The following AGBL4 variants were observed in gnomAD, a reference collection of about 807,000 sequenced individuals.
The protein encoded by AGBL4 is AGBL carboxypeptidase 4, also known as cytosolic carboxypeptidase 6.
AGBL4 carries 58 observed loss-of-function variants against 66.4 expected under a neutral mutation model. The ratio of observed to expected loss-of-function variants is 0.87; its 90% CI spans 0.71 to 1.09. The LOEUF (loss-of-function observed/expected upper bound fraction) is 1.09, where lower values mean the gene tolerates loss of function less well. Among genes scored for constraint, AGBL4 ranks in the 50% least tolerant of loss-of-function variants. The pLI, the probability that AGBL4 is intolerant of heterozygous loss-of-function variation, is 0.00. For missense variants in AGBL4, 579 were observed against 631.0 expected (o/e 0.92, Z 0.88); for synonymous variants, 234 against 222.9 (o/e 1.05, Z -0.44).
chr1:49,924,501 A>C (rs1298546645), intron 1 of AGBL4, among the ~76,000 whole-genome samples: 2 of 148,926 alleles, frequency 1.3e-5, no homozygotes, highest in African/African-American at 5.1e-5. Flanking sequence ...ATTTGGATTT[A>C]TTTATTTATT....
intron 3 of AGBL4, among the ~76,000 whole-genome samples, chr1:49,449,541 A>G (rs552615183): frequency 4.6e-5 from 7 of 152,142 alleles, no homozygotes; most frequent in Non-Finnish European, 1.0e-4. Flanking sequence ...TTTAAAATAC[A>G]TAATGTGACA....
chr1:48,582,150 G>T (rs1248986636), intron 11 of AGBL4, among the ~76,000 whole-genome samples: 1 of 152,170 alleles, frequency 6.6e-6, no homozygotes, highest in African/African-American at 2.4e-5. Flanking sequence ...GGTAGCTATT[G>T]GTTGGGCCTG....
intron 4 of AGBL4, among the ~76,000 whole-genome samples, chr1:49,193,579 G>A (rs1454610202): frequency 6.6e-6 from 1 of 151,098 alleles, no homozygotes; most frequent in African/African-American, 2.4e-5. Flanking sequence ...TCAGGCTGGA[G>A]TGCAGTGGCG....
At chr1:49,841,592 A>G (rs890297366) in intron 2 of AGBL4, among the ~76,000 whole-genome samples, 1 of 152,172 alleles carries the variant, frequency 6.6e-6, no homozygotes, top group African/African-American at 2.4e-5. Flanking sequence ...ACTTCAAACT[A>G]TACTCTAAGG....
intron 8 of AGBL4, among the ~76,000 whole-genome samples, chr1:48,640,583 G>T (rs951908879): frequency 1.2e-4 from 18 of 152,130 alleles, no homozygotes; most frequent in African/African-American, 4.1e-4. Flanking sequence ...GATAAATAAG[G>T]AAATAAAATC....
intron 3 of AGBL4, among the ~76,000 whole-genome samples, chr1:49,371,233 A>ATAGG (rs1644335745): frequency 7.5e-6 from 1 of 133,180 alleles, no homozygotes; most frequent in Non-Finnish European, 1.5e-5. Flanking sequence ...AGATATATAG[A>ATAGG]TAGATAGATA....
intron 5 of AGBL4, among the ~76,000 whole-genome samples, chr1:48,894,498 A>G (rs1651309557): frequency 6.6e-6 from 1 of 152,216 alleles, no homozygotes; most frequent in South Asian, 2.1e-4. Context: ...ATGATTGGGA[A>G]TTGGTTAAAT....
chr1:49,283,322 A>G (rs1211623407), intron 3 of AGBL4, among the ~76,000 whole-genome samples: 1 of 152,220 alleles, frequency 6.6e-6, no homozygotes, highest in Non-Finnish European at 1.5e-5. Context: ...TATCTGTTAG[A>G]AGGAAAACTA....
intron 3 of AGBL4, among the ~76,000 whole-genome samples, chr1:49,616,329 C>A (rs1558103800): frequency 6.6e-6 from 1 of 152,124 alleles, no homozygotes; most frequent in African/African-American, 2.4e-5. Flanking sequence ...CACAGTAGAT[C>A]ACTCTGTTCT....
At chr1:49,200,007 T>TA (rs1647560384) in intron 4 of AGBL4, among the ~76,000 whole-genome samples, 2 of 152,234 alleles carry the variant, frequency 1.3e-5, no homozygotes, top group Non-Finnish European at 2.9e-5. Flanking sequence ...GGTGAAACGC[T>TA]AAAAAAGCAG....
At position 49,429,309 on chromosome 1, in the gene AGBL4, C is replaced by T. The variant is rs377765528; in HGVS notation, c.283-183445G>A. Among the ~76,000 whole-genome samples, 306 of 152,250 alleles carry T rather than the reference C, an allele frequency of 2.0e-3. 2 individuals are homozygous for T. The highest frequency in any genetic ancestry group is 0.01 in the South Asian group (49 of 4,826). ...ATGAAAGGTCTGTCTGGCAATGATC[C>T]TGAGAACACGCTTAGTGAATTTCTG... On this transcript the variant is annotated intron_variant, in intron 3 of 13. Coordinates refer to ENST00000371839, the MANE Select transcript of AGBL4 (RefSeq NM_032785.4).
rs538277214 is a variant in AGBL4 at position 49,590,012 on chromosome 1, T to A, written c.282+107301A>T. Among the ~76,000 whole-genome samples, 5 of 152,170 alleles carry A rather than the reference T, an allele frequency of 3.3e-5. No homozygotes were observed. In the South Asian group the frequency reaches 1.0e-3, roughly 32 times the overall value. ...CCTAAATACATAAAAGTATACCCCT[T>A]ACAGTATTTTAAAGCAGTCCATATG... On this transcript the variant is annotated intron_variant, in intron 3 of 13. Coordinates refer to ENST00000371839, the MANE Select transcript of AGBL4 (RefSeq NM_032785.4).
chr1:48,851,948 T>A (rs1647042460), intron 6 of AGBL4, among the ~76,000 whole-genome samples: 1 of 148,256 alleles, frequency 6.7e-6, no homozygotes, highest in Non-Finnish European at 1.5e-5. Flanking sequence ...GTGGTGACCA[T>A]CCTCAGAGAA....
intron 6 of AGBL4, among the ~76,000 whole-genome samples, chr1:48,793,556 G>C (rs1212380800): frequency 6.6e-6 from 1 of 152,192 alleles, no homozygotes; most frequent in African/African-American, 2.4e-5. Context: ...GCAAGAAGGG[G>C]AAGGAGATGT....
At chr1:49,201,243 T>G (rs930397186) in intron 4 of AGBL4, among the ~76,000 whole-genome samples, 1 of 152,198 alleles carries the variant, frequency 6.6e-6, no homozygotes, top group South Asian at 2.1e-4. Context: ...CTTCTTGGAC[T>G]TGGTCCTGCA....
intron 4 of AGBL4, among the ~76,000 whole-genome samples, chr1:49,069,408 A>G (rs1415403180): frequency 2.7e-5 from 4 of 150,198 alleles, no homozygotes; most frequent in East Asian, 1.9e-4. Context: ...TAATTTTTAT[A>G]TAAGGTGTAA....
chr1:48,772,660 T>C (rs1644895201), intron 6 of AGBL4, among the ~76,000 whole-genome samples: 1 of 152,174 alleles, frequency 6.6e-6, no homozygotes, highest in Admixed American at 6.5e-5. Context: ...CAGAAGGTTC[T>C]AATGAGAGCA....
At chr1:49,988,375 C>G (rs1659678269) in intron 1 of AGBL4, among the ~76,000 whole-genome samples, 5 of 152,112 alleles carry the variant, frequency 3.3e-5, no homozygotes, top group Admixed American at 3.3e-4. Context: ...TAAGAGAACT[C>G]TAAGGTCACT....
At chr1:49,497,989 C>T (rs1024971962) in intron 3 of AGBL4, among the ~76,000 whole-genome samples, 1 of 151,908 alleles carries the variant, frequency 6.6e-6, no homozygotes, top group Admixed American at 6.6e-5. Context: ...TAACAATATT[C>T]CAATTTATGA....
Sources: gnomAD v4.1 joint callset for allele counts (sites outside exome capture counted in the v4.1 genomes callset) on GRCh38, gnomAD v4.1.1 for gene constraint, MANE v1.5 for transcripts, NCBI Gene and HGNC (gene_info 2026-07-23, HGNC 2026-07-21) for gene names.